GIPC2: variants seen among roughly 807,000 people sequenced by gnomAD.
GIPC2 encodes PDZ domain-containing protein GIPC2.
In GIPC2, 30 loss-of-function variants were observed where a neutral mutation model predicts 30.6. The ratio of observed to expected loss-of-function variants is 0.98; its 90% CI spans 0.73 to 1.33. The LOEUF (loss-of-function observed/expected upper bound fraction) is 1.33. Among genes scored for constraint, GIPC2 ranks in the 40% most tolerant of loss-of-function variants. The pLI is 0.00. For missense variants in GIPC2, 414 were observed against 390.3 expected, an observed-to-expected ratio of 1.06 and a Z score of -0.51; for synonymous variants, 167 against 150.0, an observed-to-expected ratio of 1.11 and a Z score of -0.83.
chr1:78,081,414 A>T (rs11162413), intron 2 of GIPC2, among the ~76,000 whole-genome samples: 21,384 of 152,190 alleles, frequency 0.14, 1,570 homozygotes, highest in South Asian at 0.25. Flanking sequence ...AATACAGTAC[A>T]ACTGCTTATG....
At chr1:78,082,439 A>G (rs1661848736) in intron 2 of GIPC2, among the ~76,000 whole-genome samples, 1 of 152,152 alleles carries the variant, frequency 6.6e-6, no homozygotes, top group African/African-American at 2.4e-5. Flanking sequence ...TAGCTCTGCA[A>G]AAGATATGAC....
chr1:78,115,309 G>T (rs947813126), intron 3 of GIPC2, among the ~76,000 whole-genome samples: 1 of 152,098 alleles, frequency 6.6e-6, no homozygotes, highest in Non-Finnish European at 1.5e-5. Context: ...GTAATCAATG[G>T]TAAACCAAAG....
In GIPC2 at chr1:78,085,147, T is replaced by G. The variant is rs185259700; in HGVS notation, c.426+4287T>G. Among the ~76,000 whole-genome samples, 158 of 152,310 alleles carry G rather than the reference T, an allele frequency of 1.0e-3. 1 individual carries two copies. Among genetic ancestry groups the G allele is most frequent in the African/African-American group, 3.7e-3 (155 of 41,564 alleles). On this transcript the variant is annotated intron_variant, in intron 2 of 5. Coordinates refer to ENST00000370759, the MANE Select transcript of GIPC2 (RefSeq NM_017655.6). ...TGAGAGTTTTTAACATGAAGGGTGT[T>G]GAATTTTATCAAAAGCCTTTTCTGC...
chr1:78,094,455 A>C (rs1224284767), intron 2 of GIPC2, among the ~76,000 whole-genome samples: 2 of 152,250 alleles, frequency 1.3e-5, no homozygotes, highest in Non-Finnish European at 2.9e-5. Flanking sequence ...CTGACCTGTG[A>C]CATGAGAATC....
chr1:78,131,003 G>C (rs986481187), intron 5 of GIPC2, among the ~76,000 whole-genome samples: 1 of 151,950 alleles, frequency 6.6e-6, no homozygotes, highest in African/African-American at 2.4e-5. Flanking sequence ...TCTCTTTACA[G>C]TTAAGAAAAT....
At chr1:78,045,206 T>A (rs1661045233), upstream of GIPC2, 1 of 331,346 alleles carries the variant, frequency 3.0e-6, no homozygotes, top group East Asian at 1.7e-4. Context: ...GGGGGCAAAG[T>A]CTGATCACAG....
At chr1:78,063,774 C>T (rs896557524) in intron 1 of GIPC2, among the ~76,000 whole-genome samples, 4 of 151,636 alleles carry the variant, frequency 2.6e-5, no homozygotes, top group Non-Finnish European at 4.4e-5. Context: ...TTTCCAGCTA[C>T]TCAGCTACTC....
intron 1 of GIPC2, among the ~76,000 whole-genome samples, chr1:78,051,794 G>T (rs113715236): frequency 6.6e-6 from 1 of 152,154 alleles, no homozygotes; most frequent in Non-Finnish European, 1.5e-5. Flanking sequence ...CGCACCTGGC[G>T]TAGAATTGTG....
At chr1:78,055,941 C>T (rs935447421) in intron 1 of GIPC2, among the ~76,000 whole-genome samples, 1 of 152,144 alleles carries the variant, frequency 6.6e-6, no homozygotes, top group East Asian at 1.9e-4. Context: ...TCTCTATGAC[C>T]TTTATGCATT....
intron 1 of GIPC2, among the ~76,000 whole-genome samples, chr1:78,076,504 A>T (rs113830637): frequency 0.023 from 3,577 of 152,282 alleles, 159 homozygotes; most frequent in African/African-American, 0.082. Flanking sequence ...TTAGATTATC[A>T]TAAGGTGCAG....
At chr1:78,089,519 T>C (rs1661997390) in intron 2 of GIPC2, among the ~76,000 whole-genome samples, 2 of 152,218 alleles carry the variant, frequency 1.3e-5, no homozygotes, top group Non-Finnish European at 2.9e-5. Flanking sequence ...AAACTGGTTT[T>C]TTTGTTTGTT....
intron 2 of GIPC2, among the ~76,000 whole-genome samples, chr1:78,087,326 C>G (rs1210978603): frequency 6.6e-6 from 1 of 152,160 alleles, no homozygotes; most frequent in Non-Finnish European, 1.5e-5. Flanking sequence ...CTGGAGGCAT[C>G]ATATTACCCG....
chr1:78,048,390 A>T (rs1054317392), intron 1 of GIPC2, among the ~76,000 whole-genome samples: 1 of 151,854 alleles, frequency 6.6e-6, no homozygotes, highest in Non-Finnish European at 1.5e-5. Context: ...CCTGGATTTG[A>T]ATTCAGTGTA....
chr1:78,135,821 T>G lies in GIPC2; in HGVS notation c.*78T>G. The G allele has an allele frequency of 9.1e-7, 1 of 1,099,300 alleles. No homozygotes were observed. The highest frequency in any genetic ancestry group is 1.4e-5 in the South Asian group (1 of 69,058). 68.1% of individuals were successfully genotyped at this position (1,099,300 alleles called of 1,614,324 possible). ...TTTAAAAAGTCCTATAAGATCTGTTTTTGGACACCTTTACTAACTCTGGTT... is the reference window on the plus strand; with the variant it reads ...TTTAAAAAGTCCTATAAGATCTGTTGTTGGACACCTTTACTAACTCTGGTT... On this transcript the variant is annotated 3_prime_UTR_variant, in exon 6 of 6. Transcript: ENST00000370759.
intron 3 of GIPC2, among the ~76,000 whole-genome samples, chr1:78,116,625 G>A (rs1275657278): frequency 6.6e-6 from 1 of 151,774 alleles, no homozygotes; most frequent in Non-Finnish European, 1.5e-5. Context: ...CTGTCCTTAC[G>A]CTAGTTTGCT....
chr1:78,097,197 CCTTT>C (rs1201384130), intron 3 of GIPC2, among the ~76,000 whole-genome samples: 1 of 152,192 alleles, frequency 6.6e-6, no homozygotes, highest in African/African-American at 2.4e-5. Flanking sequence ...TGCTATGTTT[CCTTT>C]CTTTTTTTCC....
intron 3 of GIPC2, among the ~76,000 whole-genome samples, chr1:78,098,878 C>A (rs929801954): frequency 6.6e-6 from 1 of 152,022 alleles, no homozygotes; most frequent in South Asian, 2.1e-4. Context: ...CAAAAGAAAC[C>A]AACCCTAGAG....
At chr1:78,045,964 C>T, upstream of GIPC2, 4 of 1,374,998 alleles carry the variant, frequency 2.9e-6, no homozygotes, top group Non-Finnish European at 3.7e-6. Flanking sequence ...CCCGACGCAG[C>T]CAGGCGGAAG....
chr1:78,099,443 C>CTT (rs1300122222), intron 3 of GIPC2, among the ~76,000 whole-genome samples: 5,214 of 143,506 alleles, frequency 0.036, 235 homozygotes, highest in African/African-American at 0.11. Context: ...TTTTCTCTTT[C>CTT]TTTTTTTTTT....
Sources: gnomAD v4.1 joint callset for allele counts (sites outside exome capture counted in the v4.1 genomes callset) on GRCh38, gnomAD v4.1.1 for gene constraint, MANE v1.5 for transcripts, NCBI Gene and HGNC (gene_info 2026-07-23, HGNC 2026-07-21) for gene names.